Variants in SLC15A2 observed in about 807,000 individuals in gnomAD.
The protein encoded by SLC15A2 is solute carrier family 15 member 2, also known as kidney H(+)/peptide cotransporter.
A neutral mutation model predicts 95.5 loss-of-function variants in SLC15A2; 77 were observed. The observed-to-expected ratio is 0.81, with a 90% CI of 0.67 to 0.97. The LOEUF (loss-of-function observed/expected upper bound fraction) is 0.97, where lower values mean the gene tolerates loss of function less well. Ranked by LOEUF, SLC15A2 falls within the 50% of genes least tolerant of loss-of-function variation. SLC15A2 has a pLI of 0.00. For missense variants in SLC15A2, 893 were observed against 874.4 expected, an observed-to-expected ratio of 1.02 and a Z score of -0.27; for synonymous variants, 306 against 306.9, an observed-to-expected ratio of 1.00 and a Z score of 0.03.
Position 121,894,432 on chromosome 3 carries a change from C to A in SLC15A2, c.-45C>A, listed in dbSNP as rs762077114. 6.5e-6 allele frequency: 10 copies of A among 1,540,704 alleles called. No individual in the cohort carries two copies. Among genetic ancestry groups the A allele is most frequent in the Non-Finnish European group, 8.9e-6 (10 of 1,122,926 alleles). ...GGCTGGCAGCTGTCCTAACTGCCTACTAAAGCCAAATGCTTGAGGAGAGAG... is the reference window on the plus strand; with the variant it reads ...GGCTGGCAGCTGTCCTAACTGCCTAATAAAGCCAAATGCTTGAGGAGAGAG... On this transcript the variant is annotated 5_prime_UTR_variant, in exon 1 of 22. Transcript: ENST00000489711.
chr3:121,894,467 G>A lies in SLC15A2; in HGVS notation c.-10G>A, dbSNP rs1709380770. 6.2e-7 allele frequency: 1 copy of A among 1,609,260 alleles called. No individual in the cohort carries two copies. The highest frequency in any genetic ancestry group is 8.5e-7 in the Non-Finnish European group (1 of 1,176,852). Reference sequence around the variant, plus strand: ...ATGCTTGAGGAGAGAGAGAGAGTAAGGAGCCAGCCATGAATCCTTTCCAGA... The same window carrying A: ...ATGCTTGAGGAGAGAGAGAGAGTAAAGAGCCAGCCATGAATCCTTTCCAGA... On this transcript the variant is annotated 5_prime_UTR_variant, in exon 1 of 22. Coordinates refer to ENST00000489711, the MANE Select transcript of SLC15A2 (RefSeq NM_021082.4).
At chr3:121,925,995 A>G (rs1216690472) in intron 13 of SLC15A2, among the ~76,000 whole-genome samples, 1 of 151,882 alleles carries the variant, frequency 6.6e-6, no homozygotes, top group African/African-American at 2.4e-5. Context: ...CATAGCGAAT[A>G]GAAAAACCAT....
At chr3:121,911,433 G>T in intron 3 of SLC15A2, 141 bp from the exon 4 acceptor site, 1 of 613,342 alleles carries the variant, frequency 1.6e-6, no homozygotes. Context: ...TCTCTATTTG[G>T]ATTTCTCAGA....
intron 3 of SLC15A2, among the ~76,000 whole-genome samples, chr3:121,904,465 C>A (rs1441515345): frequency 3.3e-5 from 5 of 152,164 alleles, no homozygotes; most frequent in African/African-American, 1.2e-4. Flanking sequence ...CTTGCCCATT[C>A]AGTATGATAT....
At chr3:121,914,751 G>A (rs957992159) in intron 5 of SLC15A2, among the ~76,000 whole-genome samples, 1 of 151,562 alleles carries the variant, frequency 6.6e-6, no homozygotes, top group Non-Finnish European at 1.5e-5. Context: ...AGACACTTAC[G>A]GGAGGCAGAG....
At chr3:121,939,244 G>T (rs1047731785) in intron 19 of SLC15A2, 105 bp from the exon 20 acceptor site, 23 of 977,828 alleles carry the variant, frequency 2.4e-5, no homozygotes, top group Admixed American at 3.2e-5. Flanking sequence ...AATGGCTGAA[G>T]AATGAAAATA....
At chr3:121,917,476 C>T (rs1433882866) in intron 7 of SLC15A2, among the ~76,000 whole-genome samples, 1 of 152,060 alleles carries the variant, frequency 6.6e-6, no homozygotes, top group Non-Finnish European at 1.5e-5. Flanking sequence ...ATTGCGTGAG[C>T]TCAGGAGTTT....
chr3:121,910,397 A>G (rs1388483406), intron 3 of SLC15A2, among the ~76,000 whole-genome samples: 2 of 151,994 alleles, frequency 1.3e-5, no homozygotes, highest in Non-Finnish European at 2.9e-5. Flanking sequence ...GGGTTTCACC[A>G]TGTTGGTCAG....
intron 7 of SLC15A2, among the ~76,000 whole-genome samples, chr3:121,921,059 G>C (rs1467431309): frequency 6.6e-6 from 1 of 152,156 alleles, no homozygotes; most frequent in African/African-American, 2.4e-5. Context: ...AAAATAAAAG[G>C]AAAATTAAAG....
chr3:121,921,979 C>G (rs1260493120), intron 7 of SLC15A2, among the ~76,000 whole-genome samples: 1 of 152,202 alleles, frequency 6.6e-6, no homozygotes, highest in Admixed American at 6.5e-5. Context: ...TCTCTTGGCT[C>G]CTGCAATTTT....
chr3:121,929,563 C>T (rs1363536619), intron 17 of SLC15A2, among the ~76,000 whole-genome samples: 2 of 152,010 alleles, frequency 1.3e-5, no homozygotes, highest in Non-Finnish European at 2.9e-5. Flanking sequence ...GTGTATGCCC[C>T]CTGTACTCTG....
At chr3:121,940,768 C>T (rs1228733139) in intron 21 of SLC15A2, 63 bp from the exon 22 acceptor site, 2 of 1,524,448 alleles carry the variant, frequency 1.3e-6, no homozygotes, top group Non-Finnish European at 1.8e-6. Flanking sequence ...ACTCCTCATC[C>T]TGTAAAGATC....
Position 121,924,395 on chromosome 3 carries a change from T to C in SLC15A2, c.1035+12T>C. On this transcript the variant is annotated intron_variant, in intron 12 of 21. Transcript: ENST00000489711. ...CGGACCAGATGCAGGTATGTGACTCTTCTATAGCCATGGGGACTTATTTGT... is the reference window on the plus strand; with the variant it reads ...CGGACCAGATGCAGGTATGTGACTCCTCTATAGCCATGGGGACTTATTTGT... 1 of 1,611,854 alleles carries C rather than the reference T, an allele frequency of 6.2e-7. No individual in the cohort carries two copies.
Position 121,928,438 on chromosome 3 carries a change from G to A in SLC15A2, c.1224G>A (p.Gln408=). The A allele has an allele frequency of 6.2e-7, 1 of 1,613,964 alleles. No homozygotes were observed. Residue 408 remains glutamine (Q), a synonymous_variant, in exon 15 of 22, where the codon CAG becomes CAA. Transcript: ENST00000489711. ...EIKINEMAPA[Q]PGPQEVFLQV... is the part of the protein sequence containing the mutation. ...GCTCTAAGGAAATGGCCCCAGCCCAGCCAGGTCCCCAGGAGGTTTTCCTAC... is the reference window on the plus strand; with the variant it reads ...GCTCTAAGGAAATGGCCCCAGCCCAACCAGGTCCCCAGGAGGTTTTCCTAC...
intron 5 of SLC15A2, 182 bp from the exon 6 acceptor site, chr3:121,915,045 G>T (rs1709857862): frequency 7.5e-7 from 1 of 1,324,738 alleles, no homozygotes; most frequent in Admixed American, 2.5e-5. Flanking sequence ...TGAAAGGTGA[G>T]TAAATGATTG....
At chr3:121,924,274 A>G (rs892659695) in intron 11 of SLC15A2, 77 bp from the exon 12 acceptor site, 3 of 1,295,496 alleles carry the variant, frequency 2.3e-6, no homozygotes, top group African/African-American at 3.0e-5. Flanking sequence ...GCTAACTAGC[A>G]AAATTATTGA....
intron 13 of SLC15A2, 97 bp downstream of exon 13, chr3:121,925,130 T>C: frequency 2.4e-6 from 2 of 850,690 alleles, no homozygotes; most frequent in African/African-American, 1.7e-5. Context: ...TTAGTGAGGA[T>C]TGGTTTTAGT....
At position 121,929,376 on chromosome 3, in the gene SLC15A2, A is replaced by G. The variant is rs371396839; in HGVS notation, c.1553+28A>G. The G allele has an allele frequency of 3.7e-6, 6 of 1,610,238 alleles. 1 individual carries two copies. In the African/African-American group the frequency reaches 6.7e-5, roughly 18 times the overall value. On this transcript the variant is annotated intron_variant, in intron 17 of 21. Coordinates refer to ENST00000489711, the MANE Select transcript of SLC15A2 (RefSeq NM_021082.4). ...TTGAATGTCAATGAGATTCCAGGCC[A>G]CTCTGTTTTCTTGAATCTTGGATCT...
At position 121,939,407 on chromosome 3, in the gene SLC15A2, C is replaced by T. The variant is rs749399079; in HGVS notation, c.1820C>T (p.Ser607Phe). 2 of 1,582,016 alleles carry T rather than the reference C, an allele frequency of 1.3e-6. No homozygotes were observed. The highest frequency in any genetic ancestry group is 1.7e-6 in the Non-Finnish European group (2 of 1,164,602). The change falls in exon 20 of 22, where the codon TCC (serine) becomes TTC (phenylalanine). Residue 607 changes from serine to phenylalanine, a missense_variant. Transcript: ENST00000489711. The stretch of plus-strand genomic sequence containing the variant: ...GAAGACATTCCAGCCAACAAAATGT[C>T]CATTGCGTGGCAGCTACCACAATAT... ...KIEDIPANKM[S>F]IAWQLPQYAL...
Sources: gnomAD v4.1 joint callset for allele counts (sites outside exome capture counted in the v4.1 genomes callset) on GRCh38, gnomAD v4.1.1 for gene constraint, MANE v1.5 for transcripts, NCBI Gene and HGNC (gene_info 2026-07-23, HGNC 2026-07-21) for gene names.